The following ENTREP2 variants were observed in gnomAD, a reference collection of about 807,000 sequenced individuals.
ENTREP2 encodes the protein endosomal transmembrane epsin interactor 2, also known as protein ENTREP2.
the ENTREP2 span, among the ~76,000 whole-genome samples, chr15:29,363,680 A>T: frequency 6.6e-6 from 1 of 152,206 alleles, no homozygotes; most frequent in Admixed American, 6.5e-5. Flanking sequence ...TGCAGTGGAG[A>T]AAAACAAAAA....
chr15:29,148,012 C>T, the ENTREP2 span, among the ~76,000 whole-genome samples: 2 of 152,136 alleles, frequency 1.3e-5, no homozygotes, highest in Admixed American at 1.3e-4. Flanking sequence ...ACCTTGAAAA[C>T]ATCATGCTAA....
At chr15:29,571,557 G>C in the ENTREP2 span, among the ~76,000 whole-genome samples, 1 of 152,218 alleles carries the variant, frequency 6.6e-6, no homozygotes, top group East Asian at 1.9e-4. Flanking sequence ...GACATTCCGA[G>C]AACATTGCCA....
chr15:29,269,643 C>T, the ENTREP2 span: 1 of 1,576,354 alleles, frequency 6.3e-7, no homozygotes, highest in Non-Finnish European at 8.6e-7. Flanking sequence ...CGCTATGGCT[C>T]CAGTCTCTGT....
the ENTREP2 span, among the ~76,000 whole-genome samples, chr15:29,414,104 A>G: frequency 6.6e-6 from 1 of 152,098 alleles, no homozygotes; most frequent in African/African-American, 2.4e-5. Flanking sequence ...ACAGAAAGTT[A>G]ACAAGGATAT....
chr15:29,332,851 C>T, the ENTREP2 span, among the ~76,000 whole-genome samples: 12 of 149,186 alleles, frequency 8.0e-5, no homozygotes, highest in Admixed American at 2.0e-4. Context: ...CCCAGCTACT[C>T]GGGAGGCTGA....
chr15:29,567,766 A>G, the ENTREP2 span, among the ~76,000 whole-genome samples: 5 of 152,224 alleles, frequency 3.3e-5, no homozygotes, highest in Middle Eastern at 3.2e-3. Context: ...TGTCTGTCTT[A>G]GCTAATAATT....
At chr15:29,649,666 G>A in the ENTREP2 span, among the ~76,000 whole-genome samples, 1 of 144,276 alleles carries the variant, frequency 6.9e-6, no homozygotes, top group Non-Finnish European at 1.5e-5. Context: ...GTTGCAGTGA[G>A]CAAGATCGAG....
chr15:29,264,401 A>G, the ENTREP2 span, among the ~76,000 whole-genome samples: 1 of 152,182 alleles, frequency 6.6e-6, no homozygotes, highest in African/African-American at 2.4e-5. Flanking sequence ...TGTTTACCTT[A>G]AAGGAGAAAA....
the ENTREP2 span, among the ~76,000 whole-genome samples, chr15:29,514,818 G>C: frequency 1.3e-5 from 2 of 152,272 alleles, no homozygotes; most frequent in Admixed American, 6.5e-5. Context: ...AAAAGAGTGA[G>C]GAATGGAGAA....
chr15:29,559,904 T>C, the ENTREP2 span, among the ~76,000 whole-genome samples: 4 of 152,196 alleles, frequency 2.6e-5, no homozygotes, highest in Non-Finnish European at 4.4e-5. Context: ...ATCTACCACA[T>C]TGACCTAACC....
chr15:29,422,142 C>A, the ENTREP2 span, among the ~76,000 whole-genome samples: 1 of 152,040 alleles, frequency 6.6e-6, no homozygotes, highest in Non-Finnish European at 1.5e-5. Context: ...TGGTGGTGGG[C>A]ACCTGTAATA....
the ENTREP2 span, among the ~76,000 whole-genome samples, chr15:29,629,308 A>G: frequency 1.3e-5 from 2 of 152,142 alleles, no homozygotes; most frequent in African/African-American, 4.8e-5. Context: ...AATAATTATT[A>G]ATCGATTAGG....
At chr15:29,179,983 G>A in the ENTREP2 span, among the ~76,000 whole-genome samples, 1 of 152,266 alleles carries the variant, frequency 6.6e-6, no homozygotes, top group African/African-American at 2.4e-5. Context: ...TCAATACAGA[G>A]AGAAGGGAGT....
chr15:29,179,968 T>C, the ENTREP2 span, among the ~76,000 whole-genome samples: 1 of 151,974 alleles, frequency 6.6e-6, no homozygotes, highest in African/African-American at 2.4e-5. Context: ...CCAAGGATGG[T>C]GTGCTCAATA....
At chr15:29,404,567 C>A in the ENTREP2 span, among the ~76,000 whole-genome samples, 233 of 152,072 alleles carry the variant, frequency 1.5e-3, no homozygotes, top group Non-Finnish European at 2.7e-3. Flanking sequence ...CTTCCTCCCC[C>A]ACTCACACTC....
chr15:29,130,785 G>A, the ENTREP2 span, among the ~76,000 whole-genome samples: 71 of 152,270 alleles, frequency 4.7e-4, no homozygotes, highest in Middle Eastern at 6.8e-3. Context: ...ACCTTGCCAC[G>A]CTAAGCCATG....
At chr15:29,406,152 C>T in the ENTREP2 span, among the ~76,000 whole-genome samples, 1 of 152,174 alleles carries the variant, frequency 6.6e-6, no homozygotes, top group Non-Finnish European at 1.5e-5. Context: ...ACTGACATCA[C>T]CTTAATGGCT....
chr15:29,275,715 TC>T, the ENTREP2 span, among the ~76,000 whole-genome samples: 1 of 152,242 alleles, frequency 6.6e-6, no homozygotes, highest in Admixed American at 6.5e-5. Context: ...ACTCTAATCA[TC>T]TTTATTATCT....
At chr15:29,517,088 A>G in the ENTREP2 span, among the ~76,000 whole-genome samples, 1 of 151,924 alleles carries the variant, frequency 6.6e-6, no homozygotes, top group Non-Finnish European at 1.5e-5. Context: ...GGAGGAGGAG[A>G]GGCAGGTTGG....
Sources: allele counts gnomAD v4.1 joint callset (sites outside exome capture counted in the v4.1 genomes callset), GRCh38; gene constraint gnomAD v4.1.1; transcripts MANE v1.5; gene names NCBI Gene and HGNC (gene_info 2026-07-23, HGNC 2026-07-21).